The following CREB5 variants were observed in gnomAD, a reference collection of about 807,000 sequenced individuals.
CREB5 encodes cAMP responsive element binding protein 5, also known as cyclic AMP-responsive element-binding protein 5.
Under a neutral mutation model 57.1 loss-of-function variants are expected in CREB5, and 19 were observed. That is an observed-to-expected ratio of 0.33 (90% CI 0.23 to 0.49). The LOEUF is 0.49. CREB5 is among the 20% of genes least tolerant of loss of function. CREB5 has a pLI of 0.99. For synonymous variants in CREB5, 238 were observed against 238.3 expected (o/e 1.00, Z 0.01); for missense variants, 579 against 671.6 (o/e 0.86, Z 1.52).
chr7:28,615,884 C>T (rs567877921), intron 5 of CREB5: 11 of 152,268 alleles, frequency 7.2e-5, no homozygotes, highest in South Asian at 6.2e-4. Context: ...TACAGGGCCC[C>T]GGAGTAGCAA....
chr7:28,648,109 T>G (rs1458179070), intron 5 of CREB5, among the ~76,000 whole-genome samples: 1 of 152,084 alleles, frequency 6.6e-6, no homozygotes, highest in Non-Finnish European at 1.5e-5. Context: ...TTGAAGTTAT[T>G]TTTTAATGCA....
intron 1 of CREB5, among the ~76,000 whole-genome samples, chr7:28,398,626 T>C (rs999627402): frequency 2.6e-5 from 4 of 152,226 alleles, no homozygotes; most frequent in Non-Finnish European, 4.4e-5. Flanking sequence ...CTAAACTGTA[T>C]ATTATGCCCA....
In CREB5 at chr7:28,718,847, A is replaced by G. The variant is rs370957432; in HGVS notation, c.559A>G (p.Thr187Ala). The change falls in exon 6 of 11, where the codon ACA becomes GCA. Residue 187 changes from threonine to alanine, a missense_variant. This residue lies in a region of CREB5 where 459 missense variants were observed against 515.7 expected (regional missense o/e 0.89). Transcript: ENST00000357727. ...ASMPGTLPNP[T>A]MPGSSAVLMP... is the part of the protein sequence containing the mutation. ...CATGCCTGGGACCCTGCCCAACCCT[A>G]CAATGCCAGGATCTTCCGCCGTCTT... The G allele has an allele frequency of 6.2e-7, 1 of 1,614,074 alleles. No individual in the cohort carries two copies. Among genetic ancestry groups the G allele is most frequent in the South Asian group, 1.1e-5 (1 of 91,082 alleles).
chr7:28,345,160 A>G (rs13240206), intron 1 of CREB5, among the ~76,000 whole-genome samples: 1 of 152,138 alleles, frequency 6.6e-6, no homozygotes, highest in Non-Finnish European at 1.5e-5. Flanking sequence ...GACAAAATAG[A>G]CCTAATAGAT....
intron 5 of CREB5, among the ~76,000 whole-genome samples, chr7:28,626,547 G>A (rs1200979193): frequency 6.6e-6 from 1 of 152,168 alleles, no homozygotes; most frequent in Non-Finnish European, 1.5e-5. Context: ...TTCAAACCCA[G>A]GAAGTCTGGC....
chr7:28,732,687 T>C (rs1414156602), intron 7 of CREB5, among the ~76,000 whole-genome samples: 3 of 152,062 alleles, frequency 2.0e-5, no homozygotes, highest in Non-Finnish European at 4.4e-5. Context: ...AATGAAAGTT[T>C]GCTTTGCACT....
intron 5 of CREB5, among the ~76,000 whole-genome samples, chr7:28,682,068 G>A (rs551919064): frequency 7.7e-4 from 117 of 152,214 alleles, no homozygotes; most frequent in African/African-American, 2.5e-3. Flanking sequence ...TGCCACATCC[G>A]TGAATTACAA....
At chr7:28,665,595 CAG>C (rs1433105359) in intron 5 of CREB5, among the ~76,000 whole-genome samples, 1 of 152,078 alleles carries the variant, frequency 6.6e-6, no homozygotes, top group African/African-American at 2.4e-5. Flanking sequence ...GGGGGAAAAA[CAG>C]ACAAGCAAGA....
At chr7:28,560,969 T>TGTGCGC (rs1562798174) in intron 4 of CREB5, among the ~76,000 whole-genome samples, 15 of 24,968 alleles carry the variant, frequency 6.0e-4, no homozygotes, top group African/African-American at 1.4e-3. Context: ...TGCGTGTGTG[T>TGTGCGC]GTGCGTGTGT....
intron 1 of CREB5, among the ~76,000 whole-genome samples, chr7:28,440,915 T>C (rs566992807): frequency 1.6e-4 from 25 of 152,328 alleles, no homozygotes; most frequent in Admixed American, 2.6e-4. Context: ...GAGGGCACGC[T>C]GAGGTTGGGT....
At chr7:28,578,787 A>G (rs1234012912) in intron 5 of CREB5, among the ~76,000 whole-genome samples, 1 of 152,202 alleles carries the variant, frequency 6.6e-6, no homozygotes, top group Admixed American at 6.5e-5. Context: ...CTTCTTTACT[A>G]TCTATTTTTC....
intron 1 of CREB5, among the ~76,000 whole-genome samples, chr7:28,371,155 T>C (rs1280682317): frequency 6.6e-6 from 1 of 151,532 alleles, no homozygotes; most frequent in Non-Finnish European, 1.5e-5. Flanking sequence ...CCAGAAGAGG[T>C]AAAGAGACCG....
intron 5 of CREB5, among the ~76,000 whole-genome samples, chr7:28,703,806 C>T (rs1041077927): frequency 6.6e-6 from 1 of 152,198 alleles, no homozygotes; most frequent in South Asian, 2.1e-4. Flanking sequence ...AAATGTTAAT[C>T]CCTTCCAGAA....
chr7:28,554,700 C>A (rs182198340), intron 4 of CREB5, among the ~76,000 whole-genome samples: 1 of 152,346 alleles, frequency 6.6e-6, no homozygotes, highest in African/African-American at 2.4e-5. Flanking sequence ...TCCATTCCAC[C>A]CTGCTATTCA....
At chr7:28,563,643 A>T (rs1249401700) in intron 4 of CREB5, among the ~76,000 whole-genome samples, 1 of 152,188 alleles carries the variant, frequency 6.6e-6, no homozygotes, top group African/African-American at 2.4e-5. Flanking sequence ...CTCCTGCCTC[A>T]GTCTCTCAAG....
Position 28,510,837 on chromosome 7 carries a change from A to G in CREB5, c.291+3100A>G, listed in dbSNP as rs190539415. 2.0e-4 allele frequency among the ~76,000 whole-genome samples: 31 copies of G among 152,358 alleles called. No homozygotes were observed. The East Asian group carries it at 5.8e-3, about 28-fold the overall frequency. ...GCTTATAACCTCATAAATCTTTAATAAGAGAATTGTTTCCCCTTAGAAAAG... is the reference window on the plus strand; with the variant it reads ...GCTTATAACCTCATAAATCTTTAATGAGAGAATTGTTTCCCCTTAGAAAAG... On this transcript the variant is annotated intron_variant, in intron 4 of 10. Transcript: ENST00000357727.
intron 5 of CREB5, among the ~76,000 whole-genome samples, chr7:28,608,549 C>G (rs554399026): frequency 6.3e-4 from 96 of 152,256 alleles, no homozygotes; most frequent in African/African-American, 2.1e-3. Context: ...GTCTCCCTGC[C>G]TCCCTGGCTC....
At chr7:28,441,851 A>G (rs1789197772) in intron 1 of CREB5, among the ~76,000 whole-genome samples, 1 of 152,218 alleles carries the variant, frequency 6.6e-6, no homozygotes, top group Non-Finnish European at 1.5e-5. Context: ...TTATACATAC[A>G]GGATACAGAG....
chr7:28,384,049 C>G (rs1458837027), intron 1 of CREB5, among the ~76,000 whole-genome samples: 2 of 152,090 alleles, frequency 1.3e-5, no homozygotes, highest in East Asian at 1.9e-4. Context: ...TTCTGGGTCC[C>G]ATGGGAGCTG....
Sources: allele counts gnomAD v4.1 joint callset (sites outside exome capture counted in the v4.1 genomes callset), GRCh38; gene constraint gnomAD v4.1.1; regional missense constraint gnomAD v4.1.1; transcripts MANE v1.5; gene names NCBI Gene and HGNC (gene_info 2026-07-23, HGNC 2026-07-21).